Variants in FAM193A observed in about 807,000 individuals in gnomAD.
FAM193A encodes family with sequence similarity 193 member A.
A neutral mutation model predicts 126.5 loss-of-function variants in FAM193A; 22 were observed. The ratio of observed to expected loss-of-function variants is 0.17; its 90% CI spans 0.12 to 0.25. The LOEUF is 0.25. Ranked by LOEUF, FAM193A falls within the 10% of genes least tolerant of loss-of-function variation. FAM193A has a pLI of 1.00. For missense variants in FAM193A, 1,675 were observed against 1,672.8 expected (o/e 1.00, Z -0.02); for synonymous variants, 761 against 646.8 (o/e 1.18, Z -2.68).
At chr4:2,687,828 A>G (rs2109249720) in intron 13 of FAM193A, among the ~76,000 whole-genome samples, 1 of 152,304 alleles carries the variant, frequency 6.6e-6, no homozygotes, top group Non-Finnish European at 1.5e-5. Flanking sequence ...AAAGTGGTAC[A>G]AAGTTGTCTT....
intron 1 of FAM193A, among the ~76,000 whole-genome samples, chr4:2,594,693 T>C (rs1454864045): frequency 6.6e-6 from 1 of 152,138 alleles, no homozygotes; most frequent in East Asian, 1.9e-4. Context: ...GGACCCGTCT[T>C]AGGATTGGGT....
chr4:2,619,551 A>T (rs1742415921), intron 2 of FAM193A, among the ~76,000 whole-genome samples: 1 of 151,946 alleles, frequency 6.6e-6, no homozygotes, highest in Admixed American at 6.6e-5. Context: ...TATTTTTAGT[A>T]GAGATGGGGT....
At chr4:2,578,564 C>CT (rs1335412481) in intron 1 of FAM193A, among the ~76,000 whole-genome samples, 1 of 151,854 alleles carries the variant, frequency 6.6e-6, no homozygotes, top group Non-Finnish European at 1.5e-5. Context: ...CTTGTACTGT[C>CT]TAAGTACAGT....
intron 1 of FAM193A, among the ~76,000 whole-genome samples, chr4:2,580,744 C>T (rs1009587364): frequency 1.4e-4 from 22 of 152,228 alleles, no homozygotes; most frequent in African/African-American, 5.1e-4. Flanking sequence ...TAAAAGCTTC[C>T]TGTGGCCTCA....
At chr4:2,549,608 G>C (rs1737785362) in intron 1 of FAM193A, among the ~76,000 whole-genome samples, 1 of 150,722 alleles carries the variant, frequency 6.6e-6, no homozygotes, top group African/African-American at 2.4e-5. Context: ...GTTTTAGCCA[G>C]GATGGTCTCG....
rs1017784228 is a variant in FAM193A, at chr4:2,559,858, G to C, written c.255+22688G>C. ...GCTGTTGCGGTGCCTGTTGGGTGCTGCGGTGATCCTGACCTGCTTGTGTAG... is the reference window on the plus strand; with the variant it reads ...GCTGTTGCGGTGCCTGTTGGGTGCTCCGGTGATCCTGACCTGCTTGTGTAG... On this transcript the variant is annotated intron_variant, in intron 1 of 20. Transcript: ENST00000637812. 1.2e-4 allele frequency among the ~76,000 whole-genome samples: 19 copies of C among 152,338 alleles called. 1 individual carries two copies. The highest frequency in any genetic ancestry group is 9.8e-4 in the Admixed American group (15 of 15,294).
chr4:2,571,694 C>G (rs898683930), intron 1 of FAM193A, among the ~76,000 whole-genome samples: 1 of 151,778 alleles, frequency 6.6e-6, no homozygotes, highest in Non-Finnish European at 1.5e-5. Context: ...AGCGTGCCAC[C>G]AAGCCCAGCT....
intron 19 of FAM193A, among the ~76,000 whole-genome samples, chr4:2,713,237 C>G (rs1719185143): frequency 6.6e-6 from 1 of 151,516 alleles, no homozygotes; most frequent in Non-Finnish European, 1.5e-5. Flanking sequence ...AAAACCCTGT[C>G]TCTACTAAAA....
At chr4:2,616,036 C>T (rs888026163) in intron 2 of FAM193A, among the ~76,000 whole-genome samples, 7 of 152,046 alleles carry the variant, frequency 4.6e-5, no homozygotes, top group African/African-American at 1.2e-4. Flanking sequence ...CCTGAGCTTG[C>T]GCAATCCGCC....
intron 2 of FAM193A, among the ~76,000 whole-genome samples, chr4:2,616,166 CTGT>C (rs1742172915): frequency 6.6e-6 from 1 of 152,228 alleles, no homozygotes; most frequent in Non-Finnish European, 1.5e-5. Flanking sequence ...ATTTTGAGCT[CTGT>C]TGTTATTTAC....
At chr4:2,562,327 C>T (rs1738666647) in intron 1 of FAM193A, among the ~76,000 whole-genome samples, 1 of 152,110 alleles carries the variant, frequency 6.6e-6, no homozygotes, top group South Asian at 2.1e-4. Context: ...TGGTGCGTGC[C>T]TGTAGTCCTA....
chr4:2,715,744 C>A (rs1719469618), intron 19 of FAM193A, among the ~76,000 whole-genome samples: 1 of 152,162 alleles, frequency 6.6e-6, no homozygotes, highest in African/African-American at 2.4e-5. Flanking sequence ...ATATAATGAC[C>A]AGTCACATGG....
intron 2 of FAM193A, among the ~76,000 whole-genome samples, chr4:2,617,665 A>C (rs960861239): frequency 9.9e-5 from 15 of 152,000 alleles, no homozygotes; most frequent in Non-Finnish European, 1.5e-4. Context: ...TCCACTTTTC[A>C]GCCTCTACTC....
intron 20 of FAM193A, among the ~76,000 whole-genome samples, chr4:2,716,870 T>C: frequency 6.6e-6 from 1 of 152,024 alleles, no homozygotes; most frequent in African/African-American, 2.4e-5. Context: ...GAGACAGGGT[T>C]TCACCGTGGT....
At chr4:2,663,629 T>C (rs1712748811) in intron 12 of FAM193A, among the ~76,000 whole-genome samples, 1 of 152,168 alleles carries the variant, frequency 6.6e-6, no homozygotes, top group Non-Finnish European at 1.5e-5. Context: ...AAGGTGAGGG[T>C]ACCTTATTAG....
At chr4:2,553,166 A>G (rs1738046931) in intron 1 of FAM193A, among the ~76,000 whole-genome samples, 1 of 151,690 alleles carries the variant, frequency 6.6e-6, no homozygotes, top group Admixed American at 6.6e-5. Context: ...ATTTTCATTC[A>G]GTTTAAAACA....
At chr4:2,714,919 C>G (rs1399872943) in intron 19 of FAM193A, among the ~76,000 whole-genome samples, 1 of 152,160 alleles carries the variant, frequency 6.6e-6, no homozygotes, top group Non-Finnish European at 1.5e-5. Context: ...CCAACCCCGC[C>G]CCAGCCCAGA....
chr4:2,556,574 C>T (rs114784092), intron 1 of FAM193A, among the ~76,000 whole-genome samples: 1,576 of 152,236 alleles, frequency 0.01, 21 homozygotes, highest in African/African-American at 0.036. Context: ...TCTAGCTACT[C>T]AGGAGGCTGA....
chr4:2,634,704 C>G (rs969399178), intron 5 of FAM193A, among the ~76,000 whole-genome samples: 16 of 152,136 alleles, frequency 1.1e-4, no homozygotes, highest in Admixed American at 5.2e-4. Context: ...TACTAGTGTT[C>G]AGCAAGGAAA....
Sources: allele counts gnomAD v4.1 joint callset (sites outside exome capture counted in the v4.1 genomes callset), GRCh38; gene constraint gnomAD v4.1.1; transcripts MANE v1.5; gene names NCBI Gene and HGNC (gene_info 2026-07-23, HGNC 2026-07-21).